The following PDZRN3 variants were observed in gnomAD, a reference collection of about 807,000 sequenced individuals.
PDZRN3 encodes the protein PDZ domain containing ring finger 3.
Under a neutral mutation model 85.7 loss-of-function variants are expected in PDZRN3, and 38 were observed. That is an observed-to-expected ratio of 0.44 (90% CI 0.34 to 0.58). PDZRN3 has a LOEUF of 0.58. PDZRN3 is among the 20% of genes least tolerant of loss of function. PDZRN3 has a pLI of 0.01. For missense variants in PDZRN3, 1,629 were observed against 1,506.4 expected (o/e 1.08, Z -1.35); for synonymous variants, 759 against 638.0 (o/e 1.19, Z -2.86).
At chr3:73,440,742 G>A (rs1429782770) in intron 3 of PDZRN3, among the ~76,000 whole-genome samples, 2 of 152,214 alleles carry the variant, frequency 1.3e-5, no homozygotes, top group Non-Finnish European at 2.9e-5. Flanking sequence ...TTCGCACAGT[G>A]AGTGTCTCGG....
chr3:73,523,145 C>T (rs115791024), intron 3 of PDZRN3, among the ~76,000 whole-genome samples: 4,339 of 152,246 alleles, frequency 0.028, 207 homozygotes, highest in African/African-American at 0.098. Context: ...GCCTCGGCCT[C>T]CTGAGTAGCT....
chr3:73,384,765 C>T lies in PDZRN3; in HGVS notation c.1801G>A (p.Ala601Thr). ...CTGCAGGTGAGCTTCCTCTGCCCCG[C>T]CAGCGGGTTGGAGGATGCGGTGGCG... ...DDATASSNPL[A>T]GQRKLTCSQD... is the part of the protein sequence containing the mutation. Residue 601 changes from alanine (A) to threonine (T), a missense_variant, in exon 10 of 10, where the codon GCG (alanine) becomes ACG (threonine). Ala to Thr is a moderately conservative substitution (Grantham distance 58). Transcript: ENST00000263666. The T allele has an allele frequency of 1.2e-6, 2 of 1,613,964 alleles. No homozygotes were observed. Among genetic ancestry groups the T allele is most frequent in the Non-Finnish European group, 1.7e-6 (2 of 1,180,038 alleles).
rs781472219 is a variant in PDZRN3, at chr3:73,384,655, C to A, written c.1911G>T (p.Gly637=). Residue 637 remains glycine (G), a synonymous_variant, in exon 10 of 10, where the codon GGG becomes GGT. Coordinates refer to ENST00000263666, the MANE Select transcript of PDZRN3 (RefSeq NM_015009.3). ...AGCGCTCGCACTCGTCCACCGGGAT[C>A]CCCAGGTAGTCGGCGTCCGTGCAGT... ...SADCTDADYL[G]IPVDECERFR... 5.0e-6 allele frequency: 8 copies of A among 1,613,958 alleles called. No individual in the cohort carries two copies. The South Asian group carries it at 8.8e-5, about 18-fold the overall frequency.
intron 3 of PDZRN3, among the ~76,000 whole-genome samples, chr3:73,526,539 C>CAA (rs1196282890): frequency 2.4e-4 from 36 of 152,248 alleles, no homozygotes; most frequent in African/African-American, 8.2e-4. Flanking sequence ...AAACAAAGTA[C>CAA]AATATATCTA....
At chr3:73,497,269 G>A (rs1474978253) in intron 3 of PDZRN3, among the ~76,000 whole-genome samples, 1 of 152,100 alleles carries the variant, frequency 6.6e-6, no homozygotes, top group Admixed American at 6.5e-5. Flanking sequence ...ATTTTACAGG[G>A]AGACTTAGGT....
chr3:73,448,686 A>G (rs1702799072), intron 3 of PDZRN3, among the ~76,000 whole-genome samples: 1 of 152,236 alleles, frequency 6.6e-6, no homozygotes, highest in South Asian at 2.1e-4. Context: ...CAAGAAAAAA[A>G]CATTTAGAAC....
chr3:73,500,176 G>A (rs1489824577), intron 3 of PDZRN3, among the ~76,000 whole-genome samples: 1 of 151,934 alleles, frequency 6.6e-6, no homozygotes, highest in African/African-American at 2.4e-5. Flanking sequence ...CGCCTCCCAA[G>A]TAGCTGGGAC....
chr3:73,590,268 C>CAAAAAAAA (rs10685167), intron 3 of PDZRN3, among the ~76,000 whole-genome samples: 1 of 97,388 alleles, frequency 1.0e-5, no homozygotes, highest in Non-Finnish European at 2.0e-5. Flanking sequence ...GACTCTGTCT[C>CAAAAAAAA]AAAAAAAAAA....
chr3:73,499,960 G>T (rs966108396), intron 3 of PDZRN3, among the ~76,000 whole-genome samples: 3 of 152,074 alleles, frequency 2.0e-5, no homozygotes, highest in African/African-American at 7.2e-5. Context: ...TAATATTATT[G>T]TTGTGGTTGT....
intron 6 of PDZRN3, among the ~76,000 whole-genome samples, 190 bp downstream of exon 6, chr3:73,390,828 C>T (rs1218131768): frequency 6.6e-6 from 1 of 151,986 alleles, no homozygotes; most frequent in Non-Finnish European, 1.5e-5. Context: ...GGTAATTTTG[C>T]CATAAGTACT....
chr3:73,600,620 C>T (rs960758352), intron 3 of PDZRN3, among the ~76,000 whole-genome samples: 2 of 152,042 alleles, frequency 1.3e-5, no homozygotes, highest in African/African-American at 2.4e-5. Flanking sequence ...TACCAGAAAC[C>T]GTACTCAACA....
chr3:73,392,497 T>G (rs1467426735), intron 5 of PDZRN3, among the ~76,000 whole-genome samples: 1 of 152,230 alleles, frequency 6.6e-6, no homozygotes, highest in African/African-American at 2.4e-5. Context: ...AGCTTGTTAT[T>G]ATATCTAAGG....
intron 3 of PDZRN3, among the ~76,000 whole-genome samples, chr3:73,489,969 T>C (rs528380305): frequency 1.3e-5 from 2 of 152,234 alleles, no homozygotes; most frequent in African/African-American, 4.8e-5. Context: ...AATAATGATC[T>C]GATTTTGTGA....
At chr3:73,392,004 A>G (rs1350086422) in intron 5 of PDZRN3, among the ~76,000 whole-genome samples, 1 of 152,188 alleles carries the variant, frequency 6.6e-6, no homozygotes, top group Non-Finnish European at 1.5e-5. Flanking sequence ...TCTTCGTGCC[A>G]CTTTATCTGG....
At chr3:73,540,584 C>A (rs1395519313) in intron 3 of PDZRN3, among the ~76,000 whole-genome samples, 1 of 152,124 alleles carries the variant, frequency 6.6e-6, no homozygotes, top group Non-Finnish European at 1.5e-5. Context: ...TGAGTTCTCA[C>A]AAGATCTGAT....
intron 3 of PDZRN3, among the ~76,000 whole-genome samples, chr3:73,544,592 A>C (rs573399343): frequency 6.6e-6 from 1 of 152,178 alleles, no homozygotes; most frequent in African/African-American, 2.4e-5. Context: ...TATTTGAATG[A>C]TAAACAAACA....
intron 3 of PDZRN3, among the ~76,000 whole-genome samples, chr3:73,481,749 T>G (rs2106906203): frequency 6.6e-6 from 1 of 152,204 alleles, no homozygotes; most frequent in African/African-American, 2.4e-5. Context: ...ATGTTCAAAT[T>G]TATAAATAGG....
rs150400661 is a variant in PDZRN3, at chr3:73,570,317, C to T, written c.918+32037G>A. On this transcript the variant is annotated intron_variant, in intron 3 of 9. Coordinates refer to ENST00000263666, the MANE Select transcript of PDZRN3 (RefSeq NM_015009.3). ...TGAGGCATACATCTAGAAGAGACAA[C>T]GAATGTTAACAAAATGTGAGACTAT... Among the ~76,000 whole-genome samples, 686 of 152,224 alleles carry T rather than the reference C, an allele frequency of 4.5e-3. 9 individuals are homozygous for T. The highest frequency in any genetic ancestry group is 6.5e-3 in the Non-Finnish European group (442 of 68,010).
At chr3:73,402,960 T>TTTTTTTTG (rs1429244382) in intron 4 of PDZRN3, among the ~76,000 whole-genome samples, 2 of 98,944 alleles carry the variant, frequency 2.0e-5, no homozygotes, top group African/African-American at 7.4e-5. Flanking sequence ...TTTTTTTTTT[T>TTTTTTTTG]TGAGACGGAG....
Sources: gnomAD v4.1 joint callset for allele counts (sites outside exome capture counted in the v4.1 genomes callset) on GRCh38, gnomAD v4.1.1 for gene constraint, MANE v1.5 for transcripts, NCBI Gene and HGNC (gene_info 2026-07-23, HGNC 2026-07-21) for gene names.